Variants in AK7 observed in about 807,000 individuals in gnomAD.
AK7 encodes ATP-AMP transphosphorylase 7.
A neutral mutation model predicts 96.6 loss-of-function variants in AK7; 78 were observed. The ratio of observed to expected loss-of-function variants is 0.81; its 90% CI spans 0.67 to 0.97. AK7 has a LOEUF of 0.97. Ranked by LOEUF, AK7 falls within the 50% of genes least tolerant of loss-of-function variation. AK7 has a pLI of 0.00. For synonymous variants in AK7, 302 were observed against 317.2 expected, an observed-to-expected ratio of 0.95 and a Z score of 0.51; for missense variants, 855 against 887.9, an observed-to-expected ratio of 0.96 and a Z score of 0.47.
chr14:96,420,785 C>A, intron 4 of AK7, 37 bp from the exon 5 acceptor site: 2 of 1,466,342 alleles, frequency 1.4e-6, no homozygotes, highest in South Asian at 2.4e-5. Context: ...ATCTCTAATT[C>A]ACCAAGTCTG....
chr14:96,451,800 A>G (rs1893621373), intron 10 of AK7, among the ~76,000 whole-genome samples: 1 of 152,196 alleles, frequency 6.6e-6, no homozygotes, highest in Non-Finnish European at 1.5e-5. Context: ...ATGTATGCAA[A>G]TTTATCTAAT....
chr14:96,419,598 C>T (rs760254508), intron 4 of AK7, among the ~76,000 whole-genome samples: 7 of 152,052 alleles, frequency 4.6e-5, no homozygotes, highest in Non-Finnish European at 8.8e-5. Flanking sequence ...CAGGCCACTG[C>T]ACTCCAGCCT....
chr14:96,486,637 C>CT (rs373214244), intron 16 of AK7, among the ~76,000 whole-genome samples: 6,218 of 136,856 alleles, frequency 0.045, 181 homozygotes, highest in African/African-American at 0.089. Context: ...AGTGGCATTT[C>CT]TTTTTTTTTT....
At chr14:96,444,952 A>G (rs142497234) in intron 7 of AK7, among the ~76,000 whole-genome samples, 1,865 of 152,278 alleles carry the variant, frequency 0.012, 29 homozygotes, top group Middle Eastern at 0.051. Flanking sequence ...TCCTGATCTC[A>G]GGTGATCCAT....
intron 2 of AK7, among the ~76,000 whole-genome samples, chr14:96,403,059 T>G (rs897669246): frequency 6.6e-6 from 1 of 151,686 alleles, no homozygotes; most frequent in Admixed American, 6.6e-5. Context: ...GAGGTTGCAG[T>G]GAGCTGAGAT....
chr14:96,462,091 C>T (rs1224363117), intron 12 of AK7, among the ~76,000 whole-genome samples: 2 of 152,176 alleles, frequency 1.3e-5, no homozygotes, highest in Non-Finnish European at 2.9e-5. Context: ...TGTCCTCTCA[C>T]TCTGTTCTTC....
chr14:96,426,390 T>C (rs1221198509), intron 5 of AK7, among the ~76,000 whole-genome samples: 1 of 150,888 alleles, frequency 6.6e-6, no homozygotes, highest in Admixed American at 6.7e-5. Flanking sequence ...AAAGCTGTTG[T>C]AGTTATTATT....
intron 6 of AK7, among the ~76,000 whole-genome samples, chr14:96,440,562 G>A (rs544842658): frequency 8.5e-5 from 13 of 152,292 alleles, no homozygotes; most frequent in African/African-American, 2.9e-4. Context: ...CAACTTGGAT[G>A]TCTTTCCCAA....
intron 17 of AK7, 59 bp downstream of exon 17, chr14:96,487,115 C>T (rs1566817503): frequency 6.4e-7 from 1 of 1,574,794 alleles, no homozygotes; most frequent in African/African-American, 1.4e-5. Flanking sequence ...CGGCTTACAC[C>T]TGTAATCCCA....
intron 5 of AK7, among the ~76,000 whole-genome samples, chr14:96,436,156 T>A (rs751619276): frequency 6.6e-6 from 1 of 152,194 alleles, no homozygotes; most frequent in Non-Finnish European, 1.5e-5. Context: ...GGAAGGCAGT[T>A]AACAGGTGTT....
chr14:96,453,150 G>A (rs1893703454), intron 10 of AK7, among the ~76,000 whole-genome samples: 1 of 152,118 alleles, frequency 6.6e-6, no homozygotes, highest in African/African-American at 2.4e-5. Context: ...AGCAAAACAT[G>A]TACCACTTAG....
At chr14:96,475,708 A>T (rs577535363) in intron 14 of AK7, among the ~76,000 whole-genome samples, 10 of 152,136 alleles carry the variant, frequency 6.6e-5, no homozygotes, top group Non-Finnish European at 1.5e-5. Flanking sequence ...GTGGTGGCTC[A>T]CGCCTGCAAT....
intron 15 of AK7, among the ~76,000 whole-genome samples, chr14:96,480,783 T>C (rs1895463589): frequency 6.6e-6 from 1 of 152,220 alleles, no homozygotes; most frequent in Non-Finnish European, 1.5e-5. Context: ...CATCTCATCC[T>C]GTGCCCATCT....
intron 4 of AK7, among the ~76,000 whole-genome samples, chr14:96,417,148 A>G (rs1891393768): frequency 6.6e-6 from 1 of 152,226 alleles, no homozygotes; most frequent in African/African-American, 2.4e-5. Flanking sequence ...AGCCAGGGCT[A>G]CAGAGGGGCC....
At chr14:96,467,175 G>A (rs187890229) in intron 12 of AK7, among the ~76,000 whole-genome samples, 75 of 152,088 alleles carry the variant, frequency 4.9e-4, no homozygotes, top group South Asian at 6.2e-4. Context: ...AAACAAGTCC[G>A]TTGTGCCTCA....
intron 6 of AK7, 106 bp from the exon 7 acceptor site, chr14:96,442,624 C>T: frequency 3.5e-6 from 3 of 850,070 alleles, no homozygotes; most frequent in Admixed American, 3.5e-5. Flanking sequence ...ATTACTTAAG[C>T]AGATAGCTAG....
intron 10 of AK7, among the ~76,000 whole-genome samples, chr14:96,455,487 TACAAA>T (rs956070058): frequency 3.1e-4 from 47 of 151,976 alleles, no homozygotes; most frequent in South Asian, 6.2e-4. Flanking sequence ...CCTATCTCAA[TACAAA>T]ACAAAACAAA....
intron 16 of AK7, among the ~76,000 whole-genome samples, chr14:96,483,943 T>A (rs576617506): frequency 6.6e-6 from 1 of 151,806 alleles, no homozygotes; most frequent in African/African-American, 2.4e-5. Flanking sequence ...AAAATAGCAC[T>A]CTTAGGCTGG....
intron 15 of AK7, among the ~76,000 whole-genome samples, chr14:96,482,229 C>G (rs190338037): frequency 6.6e-6 from 1 of 151,618 alleles, no homozygotes; most frequent in Non-Finnish European, 1.5e-5. Context: ...GAGACCCTGT[C>G]TCTATAAAAA....
Sources: allele counts gnomAD v4.1 joint callset (sites outside exome capture counted in the v4.1 genomes callset), GRCh38; gene constraint gnomAD v4.1.1; transcripts MANE v1.5; gene names NCBI Gene and HGNC (gene_info 2026-07-23, HGNC 2026-07-21).